PCCA: variants seen among roughly 807,000 people sequenced by gnomAD.
PCCA encodes the protein propionyl-CoA carboxylase alpha chain, mitochondrial.
PCCA carries 74 observed loss-of-function variants against 101.3 expected under a neutral mutation model. That is an observed-to-expected ratio of 0.73 (90% CI 0.61 to 0.89). The LOEUF (loss-of-function observed/expected upper bound fraction) is 0.89, where lower values mean the gene tolerates loss of function less well. Ranked by LOEUF, PCCA falls within the 40% of genes least tolerant of loss-of-function variation. The pLI, the probability that PCCA is intolerant of heterozygous loss-of-function variation, is 0.00. For synonymous variants in PCCA, 294 were observed against 313.6 expected, an observed-to-expected ratio of 0.94 and a Z score of 0.66; for missense variants, 891 against 907.0, an observed-to-expected ratio of 0.98 and a Z score of 0.23.
chr13:100,228,911 A>G (rs1327765366), intron 7 of PCCA, among the ~76,000 whole-genome samples: 2 of 151,734 alleles, frequency 1.3e-5, no homozygotes, highest in Admixed American at 6.6e-5. Context: ...AAAAAAAAAA[A>G]AAAAAAGCAC....
At chr13:100,223,199 C>A (rs1300698738) in intron 7 of PCCA, among the ~76,000 whole-genome samples, 2 of 150,122 alleles carry the variant, frequency 1.3e-5, no homozygotes, top group Non-Finnish European at 3.0e-5. Context: ...TGCCACAGAT[C>A]CTGCTTTCAA....
chr13:100,328,972 G>A (rs957060794), intron 16 of PCCA, among the ~76,000 whole-genome samples: 5 of 149,128 alleles, frequency 3.4e-5, no homozygotes, highest in African/African-American at 1.2e-4. Flanking sequence ...AATTACAAGT[G>A]TGAGCCACCG....
intron 4 of PCCA, among the ~76,000 whole-genome samples, chr13:100,117,273 A>G (rs1406332331): frequency 6.6e-6 from 1 of 152,134 alleles, no homozygotes; most frequent in Non-Finnish European, 1.5e-5. Context: ...TTCAAACATA[A>G]TGAAAAAAAT....
At chr13:100,184,168 G>C (rs2057044547) in intron 6 of PCCA, among the ~76,000 whole-genome samples, 1 of 152,172 alleles carries the variant, frequency 6.6e-6, no homozygotes, top group Admixed American at 6.5e-5. Context: ...GACTAAGAGA[G>C]AGAGGGGGAA....
intron 22 of PCCA, among the ~76,000 whole-genome samples, chr13:100,523,727 G>T (rs2087490775): frequency 6.6e-6 from 1 of 152,172 alleles, no homozygotes; most frequent in African/African-American, 2.4e-5. Context: ...CAGGATTCAG[G>T]CCTTCAAACT....
intron 4 of PCCA, among the ~76,000 whole-genome samples, chr13:100,146,254 A>G (rs1036149181): frequency 6.7e-6 from 1 of 148,732 alleles, no homozygotes; most frequent in African/African-American, 2.4e-5. Flanking sequence ...TTGCTTTTTT[A>G]TAAGATATCT....
At chr13:100,121,681 G>A (rs570389608) in intron 4 of PCCA, among the ~76,000 whole-genome samples, 2 of 151,874 alleles carry the variant, frequency 1.3e-5, no homozygotes, top group South Asian at 4.2e-4. Context: ...TCACCACGTT[G>A]ACCAGGCTGG....
intron 19 of PCCA, among the ~76,000 whole-genome samples, chr13:100,407,256 C>G (rs2077742098): frequency 6.6e-6 from 1 of 152,150 alleles, no homozygotes; most frequent in African/African-American, 2.4e-5. Flanking sequence ...GTAAACTAAA[C>G]ATGTTAAATA....
rs1212995569 is a variant in PCCA at position 100,464,468 on chromosome 13, C to G, written c.1899+15163C>G. On this transcript the variant is annotated intron_variant, in intron 21 of 23. Coordinates refer to ENST00000376285, the MANE Select transcript of PCCA (RefSeq NM_000282.4). ...AATAGCTCGGTTTTTATTGTAGCTC[C>G]CCACTCTCCCTTTGCTTCATTTTCC... The G allele has an allele frequency of 3.3e-5, 5 of 152,100 alleles. No individual in the cohort carries two copies. In the East Asian group the frequency reaches 9.6e-4, roughly 29 times the overall value. The allele number at this position is 152,100 out of a possible 1,614,324, so 9.4% of individuals were successfully genotyped here. A position where few individuals can be genotyped will look rare whatever the true frequency, so the allele number is the denominator to read the frequency against.
rs1439957583 is a variant in PCCA at position 100,437,379 on chromosome 13, C to G, written c.1845+11648C>G. Among the ~76,000 whole-genome samples, 3 of 152,122 alleles carry G rather than the reference C, an allele frequency of 2.0e-5. No individual in the cohort carries two copies. The East Asian group carries it at 5.8e-4, about 29-fold the overall frequency. On this transcript the variant is annotated intron_variant, in intron 20 of 23. Transcript: ENST00000376285. ...CACATATTTTGAAATGATAAAGAAC[C>G]AGGGGCATAAACATTGAGAACTCTT... is the stretch of plus-strand genomic sequence containing the variant.
intron 21 of PCCA, among the ~76,000 whole-genome samples, chr13:100,504,204 C>T (rs904881363): frequency 2.2e-4 from 33 of 152,182 alleles, no homozygotes; most frequent in African/African-American, 6.5e-4. Context: ...CTTATAAAAT[C>T]TCAGGTTCCT....
chr13:100,352,599 A>C (rs1386871849), intron 18 of PCCA, among the ~76,000 whole-genome samples: 2 of 151,752 alleles, frequency 1.3e-5, no homozygotes, highest in Non-Finnish European at 2.9e-5. Flanking sequence ...TTGCTATGTT[A>C]CCCAGGCAAG....
intron 21 of PCCA, among the ~76,000 whole-genome samples, chr13:100,465,550 G>C (rs996438363): frequency 6.6e-6 from 1 of 152,120 alleles, no homozygotes; most frequent in African/African-American, 2.4e-5. Flanking sequence ...AAGTCTTATA[G>C]ACAGTGATAA....
intron 5 of PCCA, among the ~76,000 whole-genome samples, chr13:100,156,558 C>G (rs956721131): frequency 1.3e-5 from 2 of 152,070 alleles, no homozygotes; most frequent in Non-Finnish European, 2.9e-5. Flanking sequence ...TTGGATCAGG[C>G]TGGTAGATTG....
chr13:100,158,716 AG>A (rs1287659011), intron 6 of PCCA, among the ~76,000 whole-genome samples: 2 of 152,206 alleles, frequency 1.3e-5, no homozygotes, highest in Non-Finnish European at 2.9e-5. Context: ...GGCACACTAC[AG>A]TCCACAGGAC....
At chr13:100,348,934 C>T (rs1300179592) in intron 18 of PCCA, among the ~76,000 whole-genome samples, 1 of 56,590 alleles carries the variant, frequency 1.8e-5, no homozygotes, top group African/African-American at 6.7e-5. Flanking sequence ...CTTTTCTTTT[C>T]TTTCTTTTCT....
intron 19 of PCCA, among the ~76,000 whole-genome samples, chr13:100,404,642 C>A (rs1337340283): frequency 2.6e-5 from 4 of 152,074 alleles, no homozygotes; most frequent in Non-Finnish European, 4.4e-5. Flanking sequence ...CATCCTCTTT[C>A]CTTTCTTCTA....
At chr13:100,186,749 C>CAAAAAAAAAAAAAAAAAAAAAA (rs113247072) in intron 6 of PCCA, among the ~76,000 whole-genome samples, 1 of 106,266 alleles carries the variant, frequency 9.4e-6, no homozygotes, top group Non-Finnish European at 2.1e-5. Context: ...AAAAAAAAAA[C>CAAAAAAAAAAAAAAAAAAAAAA]AAAAAAAAAA....
chr13:100,283,569 A>G (rs907537158), intron 12 of PCCA, among the ~76,000 whole-genome samples: 1 of 152,230 alleles, frequency 6.6e-6, no homozygotes, highest in East Asian at 1.9e-4. Flanking sequence ...TTTATTACCC[A>G]GTCAGCCACA....
Sources: allele counts gnomAD v4.1 joint callset (sites outside exome capture counted in the v4.1 genomes callset), GRCh38; gene constraint gnomAD v4.1.1; transcripts MANE v1.5; gene names NCBI Gene and HGNC (gene_info 2026-07-23, HGNC 2026-07-21).